Variants in CSMD1 observed in about 807,000 individuals in gnomAD.
CSMD1 encodes CUB and Sushi multiple domains 1.
Under a neutral mutation model 417.5 loss-of-function variants are expected in CSMD1, and 213 were observed. That is an observed-to-expected ratio of 0.51 (90% CI 0.46 to 0.57). The LOEUF is 0.57. Among genes scored for constraint, CSMD1 ranks in the 20% least tolerant of loss-of-function variants. CSMD1 has a pLI of 0.00. For synonymous variants in CSMD1, 2,862 were observed against 1,736.8 expected (o/e 1.65, Z -16.11); for missense variants, 6,923 against 4,529.7 (o/e 1.53, Z -15.17).
At chr8:4,810,308 T>G (rs1213624305) in intron 1 of CSMD1, among the ~76,000 whole-genome samples, 1 of 152,162 alleles carries the variant, frequency 6.6e-6, no homozygotes, top group Non-Finnish European at 1.5e-5. Flanking sequence ...AAATTTAATA[T>G]GTTCCTCAAC....
At chr8:4,359,169 G>A (rs1211550682) in intron 3 of CSMD1, among the ~76,000 whole-genome samples, 2 of 152,114 alleles carry the variant, frequency 1.3e-5, no homozygotes, top group African/African-American at 4.8e-5. Context: ...TAAGTTACTT[G>A]GTTATCAGCA....
intron 2 of CSMD1, among the ~76,000 whole-genome samples, chr8:4,606,827 A>G (rs1046689105): frequency 6.6e-6 from 1 of 152,238 alleles, no homozygotes; most frequent in African/African-American, 2.4e-5. Context: ...AATTTTATAA[A>G]TCCAGAAATA....
intron 27 of CSMD1, among the ~76,000 whole-genome samples, chr8:3,226,689 C>G (rs1013388244): frequency 6.6e-6 from 1 of 151,484 alleles, no homozygotes; most frequent in South Asian, 2.1e-4. Flanking sequence ...GAAGTCATTT[C>G]GGATGTAACA....
At chr8:3,776,171 T>G (rs539947942) in intron 5 of CSMD1, among the ~76,000 whole-genome samples, 5 of 152,254 alleles carry the variant, frequency 3.3e-5, no homozygotes, top group African/African-American at 1.2e-4. Context: ...GATCCTACCT[T>G]CAGAACAGAT....
intron 3 of CSMD1, among the ~76,000 whole-genome samples, chr8:4,364,824 CAAAAAAAAAA>C (rs60925117): frequency 1.2e-5 from 1 of 84,856 alleles, no homozygotes; most frequent in Non-Finnish European, 2.8e-5. Flanking sequence ...GACTCCTTCT[CAAAAAAAAAA>C]AAAAAAAAAA....
chr8:3,681,722 C>T (rs1320245585), intron 7 of CSMD1, among the ~76,000 whole-genome samples: 4 of 152,182 alleles, frequency 2.6e-5, no homozygotes, highest in South Asian at 2.1e-4. Flanking sequence ...AAAAAGAGCC[C>T]GCATTGCCAA....
At chr8:3,455,182 T>C (rs1816023765) in intron 12 of CSMD1, among the ~76,000 whole-genome samples, 1 of 152,214 alleles carries the variant, frequency 6.6e-6, no homozygotes, top group Non-Finnish European at 1.5e-5. Context: ...TAAGGACTTC[T>C]CTGCATTGGT....
intron 4 of CSMD1, among the ~76,000 whole-genome samples, chr8:4,014,179 C>A (rs1796409649): frequency 1.3e-5 from 2 of 152,126 alleles, no homozygotes; most frequent in African/African-American, 2.4e-5. Context: ...GAAATGCATT[C>A]ATTAAGTTTG....
chr8:4,802,519 G>A (rs932881224), intron 1 of CSMD1, among the ~76,000 whole-genome samples: 2 of 152,114 alleles, frequency 1.3e-5, no homozygotes, highest in African/African-American at 4.8e-5. Flanking sequence ...AAGACAGAGT[G>A]TGAATTTCCA....
At chr8:4,317,629 G>C (rs1461889713) in intron 3 of CSMD1, among the ~76,000 whole-genome samples, 1 of 133,664 alleles carries the variant, frequency 7.5e-6, no homozygotes, top group Non-Finnish European at 1.6e-5. Context: ...GAGAGAGAGA[G>C]AGAGACAATT....
At chr8:3,253,389 A>G (rs1393973315) in intron 26 of CSMD1, among the ~76,000 whole-genome samples, 1 of 152,124 alleles carries the variant, frequency 6.6e-6, no homozygotes, top group Admixed American at 6.5e-5. Context: ...CTGTGGTCTG[A>G]GAGACAGTTT....
At chr8:4,785,252 A>G (rs1408860879) in intron 1 of CSMD1, among the ~76,000 whole-genome samples, 2 of 152,176 alleles carry the variant, frequency 1.3e-5, no homozygotes, top group Non-Finnish European at 2.9e-5. Flanking sequence ...AGTCATGAGG[A>G]GGTGAACATT....
chr8:3,908,842 T>C (rs573027108), intron 5 of CSMD1, among the ~76,000 whole-genome samples: 4 of 152,216 alleles, frequency 2.6e-5, no homozygotes, highest in Non-Finnish European at 5.9e-5. Context: ...CAACGACATT[T>C]TGACTTCTCA....
At chr8:4,599,979 G>C (rs1247011116) in intron 2 of CSMD1, among the ~76,000 whole-genome samples, 4 of 152,148 alleles carry the variant, frequency 2.6e-5, no homozygotes, top group Admixed American at 6.6e-5. Flanking sequence ...CCTCCATGGA[G>C]GTGTTCACTG....
At chr8:4,353,857 T>C (rs1416612142) in intron 3 of CSMD1, among the ~76,000 whole-genome samples, 1 of 152,188 alleles carries the variant, frequency 6.6e-6, no homozygotes, top group East Asian at 1.9e-4. Flanking sequence ...TAATTATGGC[T>C]CATCTGGTTT....
intron 25 of CSMD1, among the ~76,000 whole-genome samples, chr8:3,304,590 G>C (rs1382412228): frequency 6.6e-6 from 1 of 152,036 alleles, no homozygotes; most frequent in South Asian, 2.1e-4. Context: ...AGAAGTTTAT[G>C]CTTTAAATTT....
intron 1 of CSMD1, among the ~76,000 whole-genome samples, chr8:4,709,034 C>A (rs1486687134): frequency 6.6e-6 from 1 of 152,180 alleles, no homozygotes; most frequent in African/African-American, 2.4e-5. Flanking sequence ...ATTGCTGAAG[C>A]TTCCCAGTCT....
intron 1 of CSMD1, among the ~76,000 whole-genome samples, chr8:4,740,895 A>C (rs1045725686): frequency 2.0e-5 from 3 of 152,180 alleles, no homozygotes; most frequent in Non-Finnish European, 2.9e-5. Flanking sequence ...TTTTTCCACA[A>C]CAGCTAACTT....
chr8:3,759,714 T>G (rs1348680061), intron 5 of CSMD1, among the ~76,000 whole-genome samples: 2 of 137,872 alleles, frequency 1.5e-5, no homozygotes, highest in East Asian at 4.1e-4. Flanking sequence ...AGCAATATGG[T>G]GAAACACCAC....
Sources: allele counts gnomAD v4.1 joint callset (sites outside exome capture counted in the v4.1 genomes callset), GRCh38; gene constraint gnomAD v4.1.1; transcripts MANE v1.5; gene names NCBI Gene and HGNC (gene_info 2026-07-23, HGNC 2026-07-21).